NSF: variants seen among roughly 807,000 people sequenced by gnomAD.
NSF encodes the protein vesicle-fusing ATPase.
NSF carries 14 observed loss-of-function variants against 50.3 expected under a neutral mutation model. The ratio of observed to expected loss-of-function variants is 0.28; its 90% CI spans 0.18 to 0.44. NSF has a LOEUF of 0.44. Ranked by LOEUF, NSF falls within the 20% of genes least tolerant of loss-of-function variation. The probability of loss-of-function intolerance (pLI) is 1.00; values close to 1 mark genes in which losing one functional copy is unlikely to be tolerated. For synonymous variants in NSF, 109 were observed against 175.7 expected (o/e 0.62, Z 3.00); for missense variants, 218 against 504.3 (o/e 0.43, Z 5.44).
At chr17:46,710,122 TG>T (rs1310076954) in intron 13 of NSF, among the ~76,000 whole-genome samples, 1 of 152,244 alleles carries the variant, frequency 6.6e-6, no homozygotes, top group East Asian at 1.9e-4. Context: ...AGGGATGTGA[TG>T]ATCTTTAAAA....
intron 17 of NSF, among the ~76,000 whole-genome samples, chr17:46,734,137 T>C (rs1357574789): frequency 6.6e-6 from 1 of 152,220 alleles, no homozygotes. Context: ...CTTGGTATCT[T>C]GATAATATTA....
rs1598661855 is a variant in NSF at position 46,659,641 on chromosome 17, TTTC to T, written c.746-14766_746-14764del. Among the ~76,000 whole-genome samples, 4 of 142,836 alleles carry T rather than the reference TTTC, an allele frequency of 2.8e-5. No individual in the cohort carries two copies. In the South Asian group the frequency reaches 8.5e-4, roughly 31 times the overall value. The allele number at this position is 142,836 out of a possible 152,430, so 93.7% of individuals were successfully genotyped here. On this transcript the variant is annotated intron_variant, in intron 8 of 20. Transcript: ENST00000398238. Reference sequence around the variant, plus strand: ...ACTTGCAAAGAACCTTCCTTTTGCCTTTCTTCTTCCTTCTTCAGCTCAATGAAT... The same window carrying T: ...ACTTGCAAAGAACCTTCCTTTTGCCTTTCTTCCTTCTTCAGCTCAATGAAT...
chr17:46,722,117 G>A (rs905250900), intron 15 of NSF: 106 of 1,611,642 alleles, frequency 6.6e-5, no homozygotes, highest in Non-Finnish European at 8.6e-5. Flanking sequence ...ACTCGAACTC[G>A]TCCGGCTTCT....
chr17:46,711,766 C>G (rs2058721846), intron 14 of NSF, among the ~76,000 whole-genome samples: 1 of 152,136 alleles, frequency 6.6e-6, no homozygotes, highest in African/African-American at 2.4e-5. Flanking sequence ...CTCTAAAGGT[C>G]TGGGGGATGA....
intron 19 of NSF, among the ~76,000 whole-genome samples, chr17:46,754,639 A>T (rs916757157): frequency 1.3e-5 from 2 of 152,252 alleles, no homozygotes; most frequent in African/African-American, 4.8e-5. Flanking sequence ...AATGAAAACC[A>T]GTCGAGATAG....
At chr17:46,725,106 T>C (rs1293621053) in intron 15 of NSF, among the ~76,000 whole-genome samples, 1 of 152,160 alleles carries the variant, frequency 6.6e-6, no homozygotes, top group Non-Finnish European at 1.5e-5. Context: ...AATACAAAAA[T>C]AGTACAATGA....
intron 17 of NSF, among the ~76,000 whole-genome samples, chr17:46,736,264 C>T (rs1568054205): frequency 6.6e-6 from 1 of 152,230 alleles, no homozygotes. Context: ...TAGGCCACCA[C>T]CAGGTCACAC....
rs2059229639 is a variant in NSF at position 46,755,932 on chromosome 17, A to G, written c.*109A>G. ...TACTGGACTAAGTGGAACGTTCTCT[A>G]CCTTCAACATGTGCTCGCTCTGCAT... On this transcript the variant is annotated 3_prime_UTR_variant, in exon 21 of 21. Transcript: ENST00000398238. 5 of 1,052,138 alleles carry G rather than the reference A, an allele frequency of 4.8e-6. No individual in the cohort carries two copies. The highest frequency in any genetic ancestry group is 2.0e-4 in the Middle Eastern group (1 of 4,952). The allele number at this position is 1,052,138 out of a possible 1,614,324, so 65.2% of individuals were successfully genotyped here.
At chr17:46,746,236 C>G (rs372581611) in intron 17 of NSF, among the ~76,000 whole-genome samples, 2 of 152,192 alleles carry the variant, frequency 1.3e-5, no homozygotes, top group Non-Finnish European at 2.9e-5. Context: ...ACCCTTTAAT[C>G]TGAATGCTCA....
At chr17:46,614,029 AAGAT>A (rs1353680197) in intron 1 of NSF, among the ~76,000 whole-genome samples, 2 of 48,384 alleles carry the variant, frequency 4.1e-5, no homozygotes, top group Non-Finnish European at 6.4e-5. Flanking sequence ...AAATAAGTTA[AAGAT>A]AGATCTTGCA....
rs2059232952 is a variant in NSF at position 46,756,251 on chromosome 17, T to C, written c.*428T>C. On this transcript the variant is annotated 3_prime_UTR_variant, in exon 21 of 21. Transcript: ENST00000398238. ...CTACATGCAAATCTGGCTTAGTAAA[T>C]CGAGGTGTGGGCCAGAGATCCTCTG... The C allele has an allele frequency of 6.4e-6, 1 of 156,776 alleles. No individual in the cohort carries two copies. The allele number at this position is 156,776 out of a possible 1,614,324, so 9.7% of individuals were successfully genotyped here.
chr17:46,662,564 TCTC>T (rs1162019461), intron 8 of NSF, among the ~76,000 whole-genome samples: 1 of 111,186 alleles, frequency 9.0e-6, no homozygotes, highest in South Asian at 2.7e-4. Context: ...GCTTGTATCT[TCTC>T]CTACAAGCTC....
chr17:46,747,888 G>A (rs2059146932), intron 17 of NSF, among the ~76,000 whole-genome samples: 1 of 152,110 alleles, frequency 6.6e-6, no homozygotes, highest in Non-Finnish European at 1.5e-5. Context: ...GGAATTTCCA[G>A]TTTAGAAAGA....
At chr17:46,710,405 A>G (rs2058707701) in intron 13 of NSF, among the ~76,000 whole-genome samples, 1 of 152,202 alleles carries the variant, frequency 6.6e-6, no homozygotes, top group African/African-American at 2.4e-5. Context: ...CCTTCTTATT[A>G]CAGCTCCTCA....
At chr17:46,735,782 T>C (rs1319019687) in intron 17 of NSF, among the ~76,000 whole-genome samples, 1 of 152,068 alleles carries the variant, frequency 6.6e-6, no homozygotes, top group Non-Finnish European at 1.5e-5. Context: ...CGATCTCTAC[T>C]AAAAATACAA....
At chr17:46,728,425 A>G (rs1484654869) in intron 16 of NSF, among the ~76,000 whole-genome samples, 1 of 152,146 alleles carries the variant, frequency 6.6e-6, no homozygotes, top group African/African-American at 2.4e-5. Context: ...CAGAAAAAAC[A>G]TCTACATGAA....
intron 18 of NSF, among the ~76,000 whole-genome samples, chr17:46,751,015 T>C (rs2059177306): frequency 1.3e-5 from 2 of 152,180 alleles, no homozygotes; most frequent in Non-Finnish European, 2.9e-5. Context: ...GAAAATATTA[T>C]CTACTGAGTT....
At chr17:46,742,017 G>A (rs918507925) in intron 17 of NSF, among the ~76,000 whole-genome samples, 1 of 152,142 alleles carries the variant, frequency 6.6e-6, no homozygotes. Flanking sequence ...GCCTCCCAAA[G>A]TGTTGAGATT....
At chr17:46,728,266 C>T (rs1475852394) in intron 16 of NSF, among the ~76,000 whole-genome samples, 5 of 152,096 alleles carry the variant, frequency 3.3e-5, no homozygotes, top group East Asian at 1.9e-4. Flanking sequence ...CCATTGTTTC[C>T]GTTTTATTGA....
Sources: gnomAD v4.1 joint callset for allele counts (sites outside exome capture counted in the v4.1 genomes callset) on GRCh38, gnomAD v4.1.1 for gene constraint, MANE v1.5 for transcripts, NCBI Gene and HGNC (gene_info 2026-07-23, HGNC 2026-07-21) for gene names.